Variants in CPQ observed in about 807,000 individuals in gnomAD.
The protein encoded by CPQ is carboxypeptidase Q.
Under a neutral mutation model 45.7 loss-of-function variants are expected in CPQ, and 37 were observed. The observed-to-expected ratio is 0.81, with a 90% CI of 0.62 to 1.07. The LOEUF is 1.07. CPQ is among the 50% of genes least tolerant of loss of function. The pLI is 0.00. For synonymous variants in CPQ, 186 were observed against 205.8 expected (o/e 0.90, Z 0.82); for missense variants, 537 against 572.9 (o/e 0.94, Z 0.64).
intron 4 of CPQ, among the ~76,000 whole-genome samples, chr8:96,914,076 A>G (rs904572569): frequency 2.6e-5 from 4 of 152,192 alleles, no homozygotes; most frequent in African/African-American, 9.6e-5. Context: ...ACAAAATTAT[A>G]ATAGTGTGGA....
chr8:96,821,386 C>T (rs543780182), intron 2 of CPQ, among the ~76,000 whole-genome samples: 1 of 151,862 alleles, frequency 6.6e-6, no homozygotes, highest in Non-Finnish European at 1.5e-5. Context: ...TGGGACATTT[C>T]TCCAAAGTTT....
At chr8:96,701,808 A>G (rs757828932) in intron 1 of CPQ, among the ~76,000 whole-genome samples, 8 of 152,178 alleles carry the variant, frequency 5.3e-5, no homozygotes, top group Non-Finnish European at 1.0e-4. Context: ...AGCAGGCCTC[A>G]GTGTCTCTGT....
chr8:96,856,269 T>A (rs1811849795), intron 3 of CPQ, among the ~76,000 whole-genome samples: 1 of 152,138 alleles, frequency 6.6e-6, no homozygotes, highest in Non-Finnish European at 1.5e-5. Flanking sequence ...ATTCCAATAG[T>A]CCAGGTGAGA....
intron 1 of CPQ, among the ~76,000 whole-genome samples, chr8:96,652,819 A>G (rs1815592584): frequency 6.6e-6 from 1 of 152,092 alleles, no homozygotes; most frequent in African/African-American, 2.4e-5. Flanking sequence ...TATTTTTACT[A>G]GAGACGGGGT....
At chr8:96,792,684 T>TAAA (rs1810865186) in intron 2 of CPQ, among the ~76,000 whole-genome samples, 1 of 152,190 alleles carries the variant, frequency 6.6e-6, no homozygotes, top group Admixed American at 6.5e-5. Flanking sequence ...TAGTTACTCA[T>TAAA]TTAGTTTACT....
chr8:96,965,784 T>C (rs1813546365), intron 4 of CPQ, 151 bp from the exon 5 acceptor site: 1 of 504,932 alleles, frequency 2.0e-6, no homozygotes, highest in Non-Finnish European at 3.4e-6. Flanking sequence ...TACCAAGTTT[T>C]CCACTAATAA....
At chr8:96,658,742 G>A (rs998453493) in intron 1 of CPQ, among the ~76,000 whole-genome samples, 2 of 152,202 alleles carry the variant, frequency 1.3e-5, no homozygotes, top group Non-Finnish European at 2.9e-5. Context: ...GAGAGACAGT[G>A]CCACTGGCTT....
At chr8:96,736,287 C>T (rs1809981619) in intron 1 of CPQ, among the ~76,000 whole-genome samples, 1 of 152,154 alleles carries the variant, frequency 6.6e-6, no homozygotes, top group South Asian at 2.1e-4. Context: ...TGCTCAGTCT[C>T]TACTAGGGCT....
chr8:97,028,131 C>T (rs1032764892), intron 5 of CPQ, among the ~76,000 whole-genome samples: 1 of 152,246 alleles, frequency 6.6e-6, no homozygotes, highest in Admixed American at 6.5e-5. Context: ...TATGGTCAGC[C>T]TGCATCCTAA....
At chr8:96,850,705 G>T (rs1449928030) in intron 3 of CPQ, among the ~76,000 whole-genome samples, 2 of 151,772 alleles carry the variant, frequency 1.3e-5, no homozygotes, top group African/African-American at 4.8e-5. Flanking sequence ...TGTCTCCAGG[G>T]TTCAAGCGAT....
At chr8:97,049,713 G>T (rs1563566146) in intron 6 of CPQ, among the ~76,000 whole-genome samples, 1 of 152,120 alleles carries the variant, frequency 6.6e-6, no homozygotes, top group Admixed American at 6.5e-5. Flanking sequence ...ATGCACAGGG[G>T]TTTTTAAACT....
At chr8:97,007,400 A>C (rs966147008) in intron 5 of CPQ, among the ~76,000 whole-genome samples, 1 of 152,218 alleles carries the variant, frequency 6.6e-6, no homozygotes, top group Non-Finnish European at 1.5e-5. Context: ...AATAACATGC[A>C]AATGCCACTA....
intron 7 of CPQ, among the ~76,000 whole-genome samples, chr8:97,131,291 CA>C (rs771552109): frequency 6.6e-6 from 1 of 152,140 alleles, no homozygotes; most frequent in African/African-American, 2.4e-5. Flanking sequence ...GACACATAAG[CA>C]AATATGGAAA....
intron 4 of CPQ, among the ~76,000 whole-genome samples, chr8:96,911,203 T>TACAAAACAAA (rs71569191): frequency 3.3e-3 from 503 of 152,078 alleles, no homozygotes; most frequent in African/African-American, 0.011. Flanking sequence ...CGAAAGTAGT[T>TACAAAACAAA]ACAAAACAAA....
At chr8:96,988,233 A>T (rs567073880) in intron 5 of CPQ, among the ~76,000 whole-genome samples, 4 of 152,310 alleles carry the variant, frequency 2.6e-5, no homozygotes, top group East Asian at 1.9e-4. Context: ...GGAGAAAAAT[A>T]ACCTTTTATC....
chr8:96,813,838 G>A (rs968924030), intron 2 of CPQ, among the ~76,000 whole-genome samples: 38 of 152,066 alleles, frequency 2.5e-4, no homozygotes, highest in African/African-American at 9.2e-4. Flanking sequence ...GAGCCTATAG[G>A]CTTTTAATTT....
intron 1 of CPQ, among the ~76,000 whole-genome samples, chr8:96,773,529 A>G (rs1323021360): frequency 6.6e-6 from 1 of 152,222 alleles, no homozygotes; most frequent in Non-Finnish European, 1.5e-5. Context: ...AGACCAGTAT[A>G]AAGAAAGTCT....
rs529005372 is a variant in CPQ at position 96,855,516 on chromosome 8, T to A, written c.641+20336T>A. 7.9e-5 allele frequency among the ~76,000 whole-genome samples: 12 copies of A among 152,344 alleles called. No individual in the cohort carries two copies. The East Asian group carries it at 2.1e-3, about 27-fold the overall frequency. On this transcript the variant is annotated intron_variant, in intron 3 of 7. Transcript: ENST00000220763. ...CATTCATCCATTCATTCATTCATTT[T>A]AAAATTCAGGTCTTAATTCAAATAT...
At chr8:96,724,281 A>G (rs938538423) in intron 1 of CPQ, among the ~76,000 whole-genome samples, 2 of 152,040 alleles carry the variant, frequency 1.3e-5, no homozygotes, top group African/African-American at 4.8e-5. Flanking sequence ...AGTCATTCAT[A>G]CCTTTTGACT....
Sources: allele counts gnomAD v4.1 joint callset (sites outside exome capture counted in the v4.1 genomes callset), GRCh38; gene constraint gnomAD v4.1.1; transcripts MANE v1.5; gene names NCBI Gene and HGNC (gene_info 2026-07-23, HGNC 2026-07-21).